The following FANCI variants were observed in gnomAD, a reference collection of about 807,000 sequenced individuals.
FANCI encodes the protein FA complementation group I.
Under a neutral mutation model 176.1 loss-of-function variants are expected in FANCI, and 156 were observed. The ratio of observed to expected loss-of-function variants is 0.89; its 90% confidence interval spans 0.78 to 1.01. The LOEUF (loss-of-function observed/expected upper bound fraction) is 1.01. Ranked by LOEUF, FANCI falls within the 50% of genes least tolerant of loss-of-function variation. The pLI is 0.00. For synonymous variants in FANCI, 613 were observed against 541.7 expected (o/e 1.13, Z -1.83); for missense variants, 1,678 against 1,534.1 (o/e 1.09, Z -1.57).
chr15:89,292,697 C>G lies in FANCI; in HGVS notation c.2002C>G (p.Leu668Val). 2 of 1,613,482 alleles carry G rather than the reference C, an allele frequency of 1.2e-6. No homozygotes were observed. The highest frequency in any genetic ancestry group is 1.7e-6 in the Non-Finnish European group (2 of 1,179,868). Reference sequence around the variant, plus strand: ...TTATTTTCTCCTACAGGATTATCTGCTGTGTTGTATTCAGCATTGTTTGGC... The same window carrying G: ...TTATTTTCTCCTACAGGATTATCTGGTGTGTTGTATTCAGCATTGTTTGGC... The part of the protein sequence containing the change: ...ISLQEPLDYL[L>V]CCIQHCLAWY... Residue 668 changes from leucine (L) to valine (V), a missense_variant, in exon 21 of 38, where the codon CTG (leucine) becomes GTG (valine). Transcript: ENST00000310775.
At chr15:89,253,539 A>C (rs1051837930) in intron 2 of FANCI, among the ~76,000 whole-genome samples, 1,578 of 132,732 alleles carry the variant, frequency 0.012, 25 homozygotes, top group African/African-American at 0.06. Flanking sequence ...AAATAAATAA[A>C]TAAATAAGTA....
At chr15:89,283,866 C>T (rs2053715381) in intron 17 of FANCI, among the ~76,000 whole-genome samples, 1 of 151,820 alleles carries the variant, frequency 6.6e-6, no homozygotes, top group Non-Finnish European at 1.5e-5. Context: ...GGGTTCACGC[C>T]ATTCTCCTGC....
intron 32 of FANCI, 54 bp downstream of exon 32, chr15:89,306,248 G>A: frequency 2.5e-6 from 4 of 1,576,830 alleles, no homozygotes; most frequent in Non-Finnish European, 3.5e-6. Flanking sequence ...AGTGAGCCAG[G>A]AGATGAGGAT....
intron 31 of FANCI, 35 bp from the exon 32 acceptor site, chr15:89,305,972 T>C (rs745975736): frequency 1.2e-6 from 2 of 1,609,596 alleles, no homozygotes; most frequent in East Asian, 2.2e-5. Flanking sequence ...GAAAACGAAG[T>C]TGGGTTTGAA....
intron 27 of FANCI, 59 bp downstream of exon 27, chr15:89,301,501 A>G: frequency 2.6e-6 from 3 of 1,147,818 alleles, no homozygotes; most frequent in Non-Finnish European, 1.3e-6. Context: ...GGATTATTGC[A>G]TCATAAAAGT....
At chr15:89,266,603 A>G (rs1433559679) in intron 9 of FANCI, among the ~76,000 whole-genome samples, 1 of 151,460 alleles carries the variant, frequency 6.6e-6, no homozygotes, top group Non-Finnish European at 1.5e-5. Context: ...TGCTGGGATT[A>G]CAGGCGTGAG....
intron 1 of FANCI, 70 bp from the exon 2 acceptor site, chr15:89,247,559 G>A: frequency 1.8e-6 from 2 of 1,087,860 alleles, no homozygotes; most frequent in South Asian, 1.2e-5. Flanking sequence ...TCAGTTAACA[G>A]GGAAGGAAAA....
intron 4 of FANCI, 116 bp from the exon 5 acceptor site, chr15:89,261,469 G>A: frequency 7.8e-7 from 1 of 1,290,234 alleles, no homozygotes; most frequent in Non-Finnish European, 1.1e-6. Flanking sequence ...TCCCTTATGG[G>A]ACCAGTTCTG....
Position 89,307,508 on chromosome 15 carries a change from T to A in FANCI, c.3570T>A (p.Ile1190=), listed in dbSNP as rs1226577104. 1 of 1,614,186 alleles carries A rather than the reference T, an allele frequency of 6.2e-7. No homozygotes were observed. Among genetic ancestry groups the A allele is most frequent in the South Asian group, 1.1e-5 (1 of 91,088 alleles). ...YLQVCQSSGG[I]PKNMEKLVKL... ...AGGTGTGTCAGAGCTCCGGAGGAATTCCAAAAAATATGGAAAAGCTGGTGA... is the reference window on the plus strand; with the variant it reads ...AGGTGTGTCAGAGCTCCGGAGGAATACCAAAAAATATGGAAAAGCTGGTGA... The change falls in exon 33 of 38, where the codon ATT becomes ATA. Residue 1190 remains isoleucine, a synonymous_variant. Transcript: ENST00000310775.
intron 2 of FANCI, among the ~76,000 whole-genome samples, chr15:89,248,623 T>G (rs561364559): frequency 4.6e-5 from 7 of 152,214 alleles, no homozygotes; most frequent in Non-Finnish European, 7.3e-5. Flanking sequence ...AGACAAGATT[T>G]GATTGAAACT....
intron 2 of FANCI, among the ~76,000 whole-genome samples, chr15:89,256,652 C>A (rs1438271529): frequency 6.6e-6 from 1 of 152,128 alleles, no homozygotes; most frequent in Non-Finnish European, 1.5e-5. Context: ...TCATCTGTTT[C>A]CATTGATGCT....
rs181865301 is a variant in FANCI, at chr15:89,259,174, C to T, written c.157+398C>T. 9.5e-5 allele frequency: 19 copies of T among 199,086 alleles called. No individual in the cohort carries two copies. The Admixed American group carries it at 9.5e-4, about 10-fold the overall frequency. The allele number at this position is 199,086 out of a possible 1,614,324, so 12.3% of individuals were successfully genotyped here. On this transcript the variant is annotated intron_variant, in intron 3 of 37. Transcript: ENST00000310775. Reference sequence around the variant, plus strand: ...TAAGGTGCCTTATATAGAGATTCTTCATGCCCGCTGAGACGTATTTGTTTT... The same window carrying T: ...TAAGGTGCCTTATATAGAGATTCTTTATGCCCGCTGAGACGTATTTGTTTT...
At chr15:89,257,907 C>T (rs536795290) in intron 2 of FANCI, among the ~76,000 whole-genome samples, 5 of 152,334 alleles carry the variant, frequency 3.3e-5, no homozygotes, top group East Asian at 1.9e-4. Context: ...AAAAATCTAT[C>T]ATCCCATTTC....
chr15:89,283,181 C>T lies in FANCI; in HGVS notation c.1629C>T (p.Leu543=), dbSNP rs1022986946. ...RKSAVAGFLL[L]LKNFKVLGSL... ...CTGCAGTTGCTGGGTTTTTGCTGCT[C>T]CTGAAGAACTTTAAAGTTTTAGGCA... Residue 543 remains leucine, a synonymous_variant, in exon 17 of 38, where the codon CTC becomes CTT. Transcript: ENST00000310775. The T allele has an allele frequency of 1.2e-6, 2 of 1,614,136 alleles. No homozygotes were observed. The highest frequency in any genetic ancestry group is 4.5e-5 in the East Asian group (2 of 44,876).
intron 2 of FANCI, among the ~76,000 whole-genome samples, chr15:89,257,342 A>G (rs1347771232): frequency 6.6e-6 from 1 of 152,184 alleles, no homozygotes; most frequent in Non-Finnish European, 1.5e-5. Context: ...CTGCTGTTAC[A>G]ATGTATCACA....
chr15:89,263,431 A>G lies in FANCI; in HGVS notation c.516A>G (p.Gln172=), dbSNP rs757312617. ...NTLCSGRWDQ[Q]YVIQLTSMFK... ...TTTCTTCTACCAGGTGGGATCAGCAATATGTAATCCAACTCACCTCCATGT... is the reference window on the plus strand; with the variant it reads ...TTTCTTCTACCAGGTGGGATCAGCAGTATGTAATCCAACTCACCTCCATGT... Residue 172 remains glutamine (Q), a synonymous_variant, in exon 7 of 38, where the codon CAA becomes CAG. Transcript: ENST00000310775. 1.9e-6 allele frequency: 3 copies of G among 1,613,038 alleles called. No homozygotes were observed. Among genetic ancestry groups the G allele is most frequent in the South Asian group, 1.1e-5 (1 of 91,052 alleles).
At position 89,316,786 on chromosome 15, in the gene FANCI, C is replaced by T. The variant is rs2055281362; in HGVS notation, c.*327C>T. The T allele has an allele frequency of 1.9e-6, 3 of 1,613,904 alleles. No individual in the cohort carries two copies. The highest frequency in any genetic ancestry group is 2.7e-5 in the African/African-American group (2 of 74,896). On this transcript the variant is annotated 3_prime_UTR_variant, in exon 38 of 38. Coordinates refer to ENST00000310775, the MANE Select transcript of FANCI (RefSeq NM_001113378.2). ...GGCTGGCTTCGTTTTTCCAAGGAGC[C>T]TTTGGTGAGTTCAATTATCTGGTAA...
At chr15:89,283,010 G>A in intron 16 of FANCI, 126 bp from the exon 17 acceptor site, 1 of 903,898 alleles carries the variant, frequency 1.1e-6, no homozygotes, top group Non-Finnish European at 1.8e-6. Context: ...AATTCACTTT[G>A]TTTTGCTCTA....
At chr15:89,273,309 T>TA (rs2053269913) in intron 10 of FANCI, 68 bp from the exon 11 acceptor site, 54 of 752,708 alleles carry the variant, frequency 7.2e-5, no homozygotes, top group South Asian at 7.9e-5. Context: ...CTTTTTTTTT[T>TA]TAAAAAAAAA....
Sources: allele counts gnomAD v4.1 joint callset (sites outside exome capture counted in the v4.1 genomes callset), GRCh38; gene constraint gnomAD v4.1.1; transcripts MANE v1.5; gene names NCBI Gene and HGNC (gene_info 2026-07-23, HGNC 2026-07-21).